Variants in PER3 observed in about 807,000 individuals in gnomAD.
PER3 encodes the protein period circadian regulator 3.
A neutral mutation model predicts 127.2 loss-of-function variants in PER3; 107 were observed. The ratio of observed to expected loss-of-function variants is 0.84; its 90% CI spans 0.72 to 0.99. The LOEUF is 0.99. Ranked by LOEUF, PER3 falls within the 50% of genes least tolerant of loss-of-function variation. The pLI is 0.00. For missense variants in PER3, 1,560 were observed against 1,525.8 expected (o/e 1.02, Z -0.37); for synonymous variants, 618 against 585.8 (o/e 1.05, Z -0.79).
chr1:7,784,618 C>T lies in PER3; in HGVS notation c.-224-36C>T, dbSNP rs532828969. The T allele has an allele frequency of 7.2e-4, 261 of 362,600 alleles. 1 individual carries two copies. The South Asian group carries it at 7.9e-3, about 11-fold the overall frequency. The allele number at this position is 362,600 out of a possible 1,614,324, so 22.5% of individuals were successfully genotyped here. A position where few individuals can be genotyped will look rare whatever the true frequency, so the allele number is the denominator to read the frequency against. On this transcript the variant is annotated intron_variant, in intron 1 of 21. Transcript: ENST00000377532. ...GCCGCTGGCGTCGGACTGTCTGTTC[C>T]ATTTGTCCCTTGTCACCCTTGTCTC...
chr1:7,784,409 G>A (rs228730), intron 1 of PER3, 33 bp downstream of exon 1: 11,002 of 150,850 alleles, frequency 0.073, 511 homozygotes, highest in Middle Eastern at 0.13. Flanking sequence ...GTTCTGGGCG[G>A]CCGGGCGGGA....
At chr1:7,797,968 G>C (rs1354412659) in intron 6 of PER3, among the ~76,000 whole-genome samples, 4 of 152,164 alleles carry the variant, frequency 2.6e-5, no homozygotes, top group African/African-American at 9.7e-5. Context: ...CCAGGGACAG[G>C]GCTTGCTGAA....
chr1:7,801,264 G>A, intron 8 of PER3, 73 bp downstream of exon 8: 1 of 845,586 alleles, frequency 1.2e-6, no homozygotes, highest in Non-Finnish European at 1.9e-6. Flanking sequence ...ATTACATTAT[G>A]TTTGCATGTT....
chr1:7,844,107 C>A lies in PER3; in HGVS notation c.*1352C>A. The stretch of plus-strand genomic sequence containing the variant: ...AATACTTTTCTCCTTTGAAGTTTTA[C>A]AGCTTTTTGTAAATGCGTCCTGATA... On this transcript the variant is annotated 3_prime_UTR_variant, in exon 22 of 22. Transcript: ENST00000377532. 1 of 442,506 alleles carries A rather than the reference C, an allele frequency of 2.3e-6. No individual in the cohort carries two copies. Among genetic ancestry groups the A allele is most frequent in the Non-Finnish European group, 3.2e-6 (1 of 308,514 alleles). The allele number at this position is 442,506 out of a possible 1,614,324, so 27.4% of individuals were successfully genotyped here.
intron 19 of PER3, among the ~76,000 whole-genome samples, chr1:7,831,432 CTTTA>C (rs1435052916): frequency 2.0e-5 from 3 of 151,964 alleles, no homozygotes; most frequent in Non-Finnish European, 4.4e-5. Context: ...GTCTGTATGT[CTTTA>C]TTTATTTGTC....
intron 21 of PER3, among the ~76,000 whole-genome samples, chr1:7,839,112 A>G (rs1303544311): frequency 6.6e-6 from 1 of 152,070 alleles, no homozygotes; most frequent in East Asian, 1.9e-4. Flanking sequence ...TATATTGTGT[A>G]GCTATTTTCA....
chr1:7,804,625 TC>T (rs1381905453), intron 10 of PER3, among the ~76,000 whole-genome samples: 1 of 151,972 alleles, frequency 6.6e-6, no homozygotes, highest in Non-Finnish European at 1.5e-5. Flanking sequence ...GGTCTCAAAC[TC>T]CTGTACTCAA....
At chr1:7,837,257 A>G in intron 21 of PER3, 108 bp downstream of exon 21, 1 of 818,442 alleles carries the variant, frequency 1.2e-6, no homozygotes, top group Non-Finnish European at 1.9e-6. Flanking sequence ...TAATCCTCAC[A>G]GTTTACCTCT....
chr1:7,792,701 A>G (rs1014092065), intron 5 of PER3, among the ~76,000 whole-genome samples: 2 of 152,174 alleles, frequency 1.3e-5, no homozygotes, highest in African/African-American at 4.8e-5. Flanking sequence ...GCTGTTGTCA[A>G]CCTCTGGTCC....
At chr1:7,835,225 G>A (rs1020958415) in intron 19 of PER3, among the ~76,000 whole-genome samples, 1 of 152,134 alleles carries the variant, frequency 6.6e-6, no homozygotes, top group South Asian at 2.1e-4. Context: ...TGCGTTTATT[G>A]TAGAAACACT....
At chr1:7,785,723 T>C (rs2097085437) in intron 3 of PER3, 137 bp downstream of exon 3, 3 of 680,884 alleles carry the variant, frequency 4.4e-6, no homozygotes, top group East Asian at 2.6e-5. Context: ...TGAGCAAATC[T>C]ACACCGATTC....
intron 5 of PER3, chr1:7,788,605 T>G (rs1002486048): frequency 1.7e-4 from 35 of 206,796 alleles, no homozygotes; most frequent in Non-Finnish European, 5.0e-5. Context: ...ACTTTGGAGA[T>G]AAAATTTGGA....
chr1:7,785,353 A>G lies in PER3; in HGVS notation c.129-88A>G, dbSNP rs551109877. On this transcript the variant is annotated intron_variant, in intron 2 of 21. Transcript: ENST00000377532. ...ACTGATGCCGGTAGAGCACTTAGAA[A>G]CTTACCTGGCTTGCAGTTTGTGTTC... 56 of 1,062,742 alleles carry G rather than the reference A, an allele frequency of 5.3e-5. No homozygotes were observed. The African/African-American group carries it at 6.3e-4, about 12-fold the overall frequency. The allele number at this position is 1,062,742 out of a possible 1,614,324, so 65.8% of individuals were successfully genotyped here.
intron 21 of PER3, 41 bp downstream of exon 21, chr1:7,837,190 T>TG: frequency 2.5e-6 from 4 of 1,574,670 alleles, no homozygotes; most frequent in Non-Finnish European, 3.5e-6. Context: ...TCATGTATTT[T>TG]GGCCAGGTAG....
In PER3 at chr1:7,826,040, A is replaced by C. The variant is rs2097300008; in HGVS notation, c.1958-440A>C. ...AGCCATGACGGCGCCACTTCACTCC[A>C]GCGGAATGGTCTTCTGCAGGGGAAA... On this transcript the variant is annotated intron_variant, in intron 16 of 21. Transcript: ENST00000377532. This position sits in a 1 kb window ranked among gnomAD's most constrained non-coding sequence, Gnocchi z 4.2. Among the ~76,000 whole-genome samples, 1 of 152,216 alleles carries C rather than the reference A, an allele frequency of 6.6e-6. No individual in the cohort carries two copies. The highest frequency in any genetic ancestry group is 2.1e-4 in the South Asian group (1 of 4,830).
Position 7,837,099 on chromosome 1 carries a change from G to T in PER3, c.3499G>T (p.Val1167Leu). ...TGGGCAAAAGGAGGAGCTGGCTAAG[G>T]TGTATAATTGGATTCAAAGCCAGAC... ...SHGQKEELAKVYNWIQSQTVT... is the reference protein window; with the variant it reads ...SHGQKEELAKLYNWIQSQTVT... Residue 1167 changes from valine to leucine, a missense_variant, in exon 21 of 22, where the codon GTG (valine) becomes TTG (leucine). Coordinates refer to ENST00000377532, the MANE Select transcript of PER3 (RefSeq NM_001377275.1). The T allele has an allele frequency of 6.2e-7, 1 of 1,614,068 alleles. No individual in the cohort carries two copies. Among genetic ancestry groups the T allele is most frequent in the African/African-American group, 1.3e-5 (1 of 75,046 alleles).
intron 8 of PER3, among the ~76,000 whole-genome samples, chr1:7,801,810 C>T (rs939831615): frequency 2.0e-5 from 3 of 152,128 alleles, no homozygotes; most frequent in Non-Finnish European, 4.4e-5. Flanking sequence ...AGTATCACTA[C>T]ATCAGTATCC....
intron 19 of PER3, among the ~76,000 whole-genome samples, chr1:7,835,067 G>T (rs919700238): frequency 6.6e-6 from 1 of 152,142 alleles, no homozygotes; most frequent in Non-Finnish European, 1.5e-5. Flanking sequence ...CTTTCTGATG[G>T]CTTCTTTTTT....
At chr1:7,794,921 A>G (rs1208440961) in intron 6 of PER3, among the ~76,000 whole-genome samples, 3 of 151,590 alleles carry the variant, frequency 2.0e-5, no homozygotes, top group East Asian at 1.9e-4. Context: ...ATATAATAAT[A>G]TGTTCTTTTG....
Sources: allele counts gnomAD v4.1 joint callset (sites outside exome capture counted in the v4.1 genomes callset), GRCh38; gene constraint gnomAD v4.1.1; non-coding constraint Gnocchi (gnomAD v3.1); transcripts MANE v1.5; gene names NCBI Gene and HGNC (gene_info 2026-07-23, HGNC 2026-07-21).